The following CPS1 variants were observed in gnomAD, a reference collection of about 807,000 sequenced individuals.
The protein encoded by CPS1 is carbamoyl-phosphate synthase 1, also known as carbamoyl-phosphate synthase [ammonia], mitochondrial.
CPS1 carries 109 observed loss-of-function variants against 174.6 expected under a neutral mutation model. The ratio of observed to expected loss-of-function variants is 0.62; its 90% CI spans 0.53 to 0.73. The LOEUF is 0.73. CPS1 is among the 30% of genes least tolerant of loss of function. CPS1 has a pLI of 0.00. For synonymous variants in CPS1, 637 were observed against 632.0 expected, an observed-to-expected ratio of 1.01 and a Z score of -0.12; for missense variants, 1,689 against 1,821.9, an observed-to-expected ratio of 0.93 and a Z score of 1.33.
chr2:210,653,298 T>C (rs535966491), intron 28 of CPS1, among the ~76,000 whole-genome samples: 1 of 152,212 alleles, frequency 6.6e-6, no homozygotes, highest in East Asian at 1.9e-4. Flanking sequence ...CCTCTTCATT[T>C]AGTATGGAGA....
chr2:210,589,072 A>G (rs967128953), intron 7 of CPS1, among the ~76,000 whole-genome samples: 2 of 152,032 alleles, frequency 1.3e-5, no homozygotes, highest in Non-Finnish European at 2.9e-5. Flanking sequence ...ACCAAAGCAC[A>G]GAAAAAGCCA....
chr2:210,572,198 G>A (rs935393627), intron 1 of CPS1, among the ~76,000 whole-genome samples: 2 of 151,984 alleles, frequency 1.3e-5, no homozygotes, highest in East Asian at 3.9e-4. Flanking sequence ...ATATTACAGT[G>A]TATATCTTTT....
intron 21 of CPS1, among the ~76,000 whole-genome samples, chr2:210,627,470 T>C (rs1213679875): frequency 6.6e-6 from 1 of 152,196 alleles, no homozygotes; most frequent in East Asian, 1.9e-4. Context: ...GCCAGAGCTA[T>C]AATTACAGAA....
At chr2:210,594,631 T>G in intron 12 of CPS1, 25 bp downstream of exon 12, 1 of 1,557,638 alleles carries the variant, frequency 6.4e-7, no homozygotes, top group Non-Finnish European at 8.9e-7. Context: ...TTATTTTTGG[T>G]TTATGAATTT....
rs548435388 is a variant in CPS1 at position 210,629,051 on chromosome 2, T to A, written c.2688-8651T>A. Among the ~76,000 whole-genome samples the A allele has an allele frequency of 3.2e-4, 49 of 152,270 alleles. No homozygotes were observed. The South Asian group carries it at 9.3e-3, about 29-fold the overall frequency. ...CAAAGAGTGCCCATTCAATCCCTAT[T>A]TTCTATGAGGCCTTATAAAGTGTTT... On this transcript the variant is annotated intron_variant, in intron 21 of 37. Transcript: ENST00000233072.
At chr2:210,626,894 G>T (rs544504121) in intron 21 of CPS1, among the ~76,000 whole-genome samples, 24 of 152,234 alleles carry the variant, frequency 1.6e-4, no homozygotes, top group African/African-American at 5.3e-4. Flanking sequence ...TATAATAAAG[G>T]TGAAAAATAT....
At chr2:210,639,561 G>A (rs371229979) in intron 23 of CPS1, among the ~76,000 whole-genome samples, 5 of 139,756 alleles carry the variant, frequency 3.6e-5, no homozygotes, top group African/African-American at 1.4e-4. Flanking sequence ...GCAGTGAGCC[G>A]AGATTGCGCC....
intron 21 of CPS1, among the ~76,000 whole-genome samples, chr2:210,636,370 T>C: frequency 6.6e-6 from 1 of 151,306 alleles, no homozygotes; most frequent in East Asian, 1.9e-4. Context: ...CATTTATTTA[T>C]AATTTATATT....
chr2:210,511,198 G>A (rs970449418), intron 1 of CPS1, among the ~76,000 whole-genome samples: 1 of 152,116 alleles, frequency 6.6e-6, no homozygotes, highest in East Asian at 1.9e-4. Context: ...ATACTATGCA[G>A]CCTTAAAAAA....
intron 30 of CPS1, chr2:210,658,336 G>T: frequency 2.5e-6 from 1 of 402,612 alleles, no homozygotes. Context: ...TTATATAATT[G>T]TAGGTAGATA....
chr2:210,634,912 T>C (rs576786188), intron 21 of CPS1, among the ~76,000 whole-genome samples: 1 of 152,314 alleles, frequency 6.6e-6, no homozygotes, highest in East Asian at 1.9e-4. Context: ...TTGCCTATTG[T>C]ACACCTGTCA....
chr2:210,666,540 C>A (rs755938580), intron 33 of CPS1, among the ~76,000 whole-genome samples: 1 of 152,196 alleles, frequency 6.6e-6, no homozygotes, highest in Non-Finnish European at 1.5e-5. Context: ...CAGCTTTCTA[C>A]GTATGGTTAG....
chr2:210,502,380 T>TA (rs1340755352), intron 1 of CPS1, among the ~76,000 whole-genome samples: 75 of 54,180 alleles, frequency 1.4e-3, no homozygotes, highest in African/African-American at 2.8e-3. Context: ...TATATATATA[T>TA]TTTTTTATAT....
chr2:210,608,522 C>G lies in CPS1; in HGVS notation c.2354C>G (p.Ser785Cys), dbSNP rs1307175895. The G allele has an allele frequency of 1.1e-5, 18 of 1,612,064 alleles. No individual in the cohort carries two copies. The highest frequency in any genetic ancestry group is 1.5e-5 in the Non-Finnish European group (18 of 1,178,726). Reference sequence around the variant, plus strand: ...GATCTTGACCGTTTTCATGGAACATCTAGCCGAATTGGTAGCTCTATGAAA... The same window carrying G: ...GATCTTGACCGTTTTCATGGAACATGTAGCCGAATTGGTAGCTCTATGAAA... ...RWDLDRFHGT[S>C]SRIGSSMKSV... The change falls in exon 19 of 38, where the codon TCT becomes TGT. Residue 785 changes from serine (S) to cysteine (C), a missense_variant. Transcript: ENST00000233072.
chr2:210,539,570 C>G (rs957491348), intron 1 of CPS1, among the ~76,000 whole-genome samples: 1 of 152,098 alleles, frequency 6.6e-6, no homozygotes, highest in Non-Finnish European at 1.5e-5. Flanking sequence ...CAAGTTTGAC[C>G]TGCTTACCCT....
rs112199960 is a variant in CPS1 at position 210,591,825 on chromosome 2, C to T, written c.948-6C>T. ...TTCCCTATTCTTTTTCTCCTTTTCT[C>T]TCCAGAGGGCAGAATCAGCCTGTTT... On this transcript the variant is annotated splice_region_variant and splice_polypyrimidine_tract_variant and intron_variant, in intron 9 of 37. Coordinates refer to ENST00000233072, the MANE Select transcript of CPS1 (RefSeq NM_001875.5). The T allele has an allele frequency of 1.2e-4, 195 of 1,611,888 alleles. No individual in the cohort carries two copies. In the African/African-American group the frequency reaches 2.0e-3, roughly 16 times the overall value.
At chr2:210,480,742 C>T (rs1694545362) in intron 1 of CPS1, among the ~76,000 whole-genome samples, 2 of 152,196 alleles carry the variant, frequency 1.3e-5, no homozygotes, top group South Asian at 4.1e-4. Context: ...TACCACTTGT[C>T]TCTTTTTTTG....
At chr2:210,579,677 C>T (rs753494857) in intron 4 of CPS1, 37 bp from the exon 5 acceptor site, 34 of 1,539,760 alleles carry the variant, frequency 2.2e-5, no homozygotes, top group Non-Finnish European at 3.0e-5. Context: ...ATTTAATCTC[C>T]TCCAATTTCA....
Position 210,647,887 on chromosome 2 carries a change from G to T in CPS1, c.3166G>T (p.Val1056Phe). 12 of 1,614,002 alleles carry T rather than the reference G, an allele frequency of 7.4e-6. No homozygotes were observed. The highest frequency in any genetic ancestry group is 1.0e-5 in the Non-Finnish European group (12 of 1,179,928). ...QEACGGCIIS[V>F]GGQIPNNLAV... is the part of the protein sequence containing the mutation. Reference sequence around the variant, plus strand: ...GGCATGTGGTGGCTGCATCATATCAGTTGGAGGCCAGATTCCAAACAACCT... The same window carrying T: ...GGCATGTGGTGGCTGCATCATATCATTTGGAGGCCAGATTCCAAACAACCT... Residue 1056 changes from valine (V) to phenylalanine (F), a missense_variant, in exon 26 of 38, where the codon GTT becomes TTT. By Grantham distance (50) the Val-to-Phe change is conservative. Coordinates refer to ENST00000233072, the MANE Select transcript of CPS1 (RefSeq NM_001875.5).
Sources: allele counts gnomAD v4.1 joint callset (sites outside exome capture counted in the v4.1 genomes callset), GRCh38; gene constraint gnomAD v4.1.1; transcripts MANE v1.5; gene names NCBI Gene and HGNC (gene_info 2026-07-23, HGNC 2026-07-21).